The following RAB38 variants were observed in gnomAD, a reference collection of about 807,000 sequenced individuals.
RAB38 encodes RAB38, member RAS oncogene family, also known as ras-related protein Rab-38.
In RAB38, 15 loss-of-function variants were observed where a neutral mutation model predicts 18.4. The ratio of observed to expected loss-of-function variants is 0.82; its 90% confidence interval spans 0.55 to 1.26. The LOEUF is 1.26. Among genes scored for constraint, RAB38 ranks in the 50% most tolerant of loss-of-function variants. RAB38 has a pLI of 0.00. For missense variants in RAB38, 294 were observed against 267.4 expected, an observed-to-expected ratio of 1.10 and a Z score of -0.69; for synonymous variants, 101 against 104.4, an observed-to-expected ratio of 0.97 and a Z score of 0.20.
chr11:88,025,502 T>C, the RAB38 span, among the ~76,000 whole-genome samples: 3 of 152,130 alleles, frequency 2.0e-5, no homozygotes, highest in Non-Finnish European at 4.4e-5. Flanking sequence ...TCACCAACAG[T>C]GTATGTGTTC....
chr11:88,039,434 A>T, the RAB38 span, among the ~76,000 whole-genome samples: 4 of 152,116 alleles, frequency 2.6e-5, no homozygotes, highest in Non-Finnish European at 5.9e-5. Flanking sequence ...CAGGTTCCTT[A>T]GGCCAATGTA....
chr11:87,900,746 G>A, the RAB38 span, among the ~76,000 whole-genome samples: 5 of 150,372 alleles, frequency 3.3e-5, no homozygotes, highest in African/African-American at 9.8e-5. Context: ...GGGAGGGAGG[G>A]AAGAAGGAAG....
the RAB38 span, among the ~76,000 whole-genome samples, chr11:87,976,530 T>A: frequency 0.083 from 2 of 24 alleles, no homozygotes; most frequent in Non-Finnish European, 0.2. Flanking sequence ...TTATATATAT[T>A]TTTTACATTT....
the RAB38 span, among the ~76,000 whole-genome samples, chr11:87,851,692 T>C: frequency 6.6e-6 from 1 of 152,132 alleles, no homozygotes; most frequent in African/African-American, 2.4e-5. Flanking sequence ...GAGGTTGAAG[T>C]TGTTGTATCT....
chr11:87,953,952 A>G, the RAB38 span, among the ~76,000 whole-genome samples: 1 of 151,746 alleles, frequency 6.6e-6, no homozygotes, highest in East Asian at 1.9e-4. Flanking sequence ...GTTTTGATGT[A>G]AATCTACAAA....
chr11:87,878,222 T>TATATATATATATATATACACAC, the RAB38 span, among the ~76,000 whole-genome samples: 6 of 116,204 alleles, frequency 5.2e-5, 1 homozygote, highest in African/African-American at 2.7e-4. Flanking sequence ...TATATATATA[T>TATATATATATATATATACACAC]ACACACATAT....
At chr11:87,873,358 AAT>A in the RAB38 span, among the ~76,000 whole-genome samples, 1 of 151,558 alleles carries the variant, frequency 6.6e-6, no homozygotes, top group African/African-American at 2.4e-5. Context: ...TCCCTCATCA[AAT>A]ATGTCTTTTG....
the RAB38 span, among the ~76,000 whole-genome samples, chr11:87,844,140 A>T: frequency 6.6e-6 from 1 of 152,172 alleles, no homozygotes; most frequent in African/African-American, 2.4e-5. Context: ...TCTGTAGTTT[A>T]AAAAAACCAA....
At chr11:87,887,768 G>A in the RAB38 span, among the ~76,000 whole-genome samples, 2 of 151,764 alleles carry the variant, frequency 1.3e-5, no homozygotes, top group Non-Finnish European at 2.9e-5. Context: ...ATAATCCCAG[G>A]ATTATGTGGG....
At chr11:88,146,351 T>G (rs1053314528) in intron 2 of RAB38, among the ~76,000 whole-genome samples, 4 of 152,200 alleles carry the variant, frequency 2.6e-5, no homozygotes, top group Admixed American at 6.5e-5. Flanking sequence ...AGCCAGAAGT[T>G]TGACTCAGAA....
the RAB38 span, among the ~76,000 whole-genome samples, chr11:87,938,987 G>A: frequency 2.0e-5 from 3 of 151,818 alleles, no homozygotes; most frequent in East Asian, 3.9e-4. Context: ...TTTTTTTAAC[G>A]TTGCACTTTA....
At chr11:87,976,595 G>A in the RAB38 span, among the ~76,000 whole-genome samples, 1 of 45,016 alleles carries the variant, frequency 2.2e-5, no homozygotes. Context: ...TTTATATACT[G>A]TCTATAAATA....
the RAB38 span, among the ~76,000 whole-genome samples, chr11:87,902,010 TA>T: frequency 6.6e-6 from 1 of 151,180 alleles, no homozygotes; most frequent in African/African-American, 2.4e-5. Context: ...ACAGAAAGTG[TA>T]AAGATTGGAC....
At chr11:87,878,222 T>TATATATATATATACACACAC in the RAB38 span, among the ~76,000 whole-genome samples, 6 of 116,206 alleles carry the variant, frequency 5.2e-5, no homozygotes, top group South Asian at 2.7e-4. Flanking sequence ...TATATATATA[T>TATATATATATATACACACAC]ACACACATAT....
chr11:88,153,336 C>A (rs902444587), intron 1 of RAB38, among the ~76,000 whole-genome samples: 1 of 152,202 alleles, frequency 6.6e-6, no homozygotes, highest in Non-Finnish European at 1.5e-5. Flanking sequence ...GCTAAAAATA[C>A]ACACAAACAT....
the RAB38 span, among the ~76,000 whole-genome samples, chr11:87,953,733 C>G: frequency 6.6e-6 from 1 of 152,024 alleles, no homozygotes; most frequent in Non-Finnish European, 1.5e-5. Context: ...AACATATTAC[C>G]TGAAGATAAG....
the RAB38 span, among the ~76,000 whole-genome samples, chr11:87,875,874 C>T: frequency 3.3e-5 from 5 of 151,518 alleles, no homozygotes; most frequent in African/African-American, 1.2e-4. Flanking sequence ...TTTGTGGATT[C>T]TTTTAGATGT....
At chr11:88,109,815 G>A (rs1347786205), downstream of RAB38, among the ~76,000 whole-genome samples, 3 of 152,134 alleles carry the variant, frequency 2.0e-5, no homozygotes, top group Admixed American at 1.3e-4. Flanking sequence ...AAACCACAAT[G>A]AGATACCATC....
At chr11:88,017,737 T>A in the RAB38 span, among the ~76,000 whole-genome samples, 50 of 146,500 alleles carry the variant, frequency 3.4e-4, no homozygotes, top group African/African-American at 1.1e-3. Context: ...TATATATATA[T>A]AATATATATT....
Sources: allele counts gnomAD v4.1 joint callset (sites outside exome capture counted in the v4.1 genomes callset), GRCh38; gene constraint gnomAD v4.1.1; transcripts MANE v1.5; gene names NCBI Gene and HGNC (gene_info 2026-07-23, HGNC 2026-07-21).